HMCES: variants seen among roughly 807,000 people sequenced by gnomAD.
HMCES encodes 5-hydroxymethylcytosine binding, ES cell specific.
HMCES carries 27 observed loss-of-function variants against 35.1 expected under a neutral mutation model. The ratio of observed to expected loss-of-function variants is 0.77; its 90% CI spans 0.57 to 1.06. The LOEUF (loss-of-function observed/expected upper bound fraction) is 1.06. Ranked by LOEUF, HMCES falls within the 50% of genes least tolerant of loss-of-function variation. HMCES has a pLI of 0.00. For missense variants in HMCES, 391 were observed against 430.4 expected, an observed-to-expected ratio of 0.91 and a Z score of 0.81; for synonymous variants, 130 against 154.7, an observed-to-expected ratio of 0.84 and a Z score of 1.18.
intron 4 of HMCES, among the ~76,000 whole-genome samples, chr3:129,293,860 C>T (rs2071056209): frequency 6.6e-6 from 1 of 152,052 alleles, no homozygotes; most frequent in Non-Finnish European, 1.5e-5. Flanking sequence ...TGAGCTACTG[C>T]GCCTGGACTT....
chr3:129,295,678 T>G (rs1277837422), intron 4 of HMCES, among the ~76,000 whole-genome samples: 1 of 152,142 alleles, frequency 6.6e-6, no homozygotes, highest in Non-Finnish European at 1.5e-5. Flanking sequence ...GCTCTCATAG[T>G]TTTTTTGAGA....
intron 4 of HMCES, 33 bp downstream of exon 4, chr3:129,290,837 GA>G: frequency 6.3e-7 from 1 of 1,591,578 alleles, no homozygotes; most frequent in Non-Finnish European, 8.6e-7. Flanking sequence ...TATATATTTG[GA>G]AAGGCACAGG....
Position 129,279,420 on chromosome 3 carries a change from C to T in HMCES, c.-23-290C>T, listed in dbSNP as rs1206042254. Reference sequence around the variant, plus strand: ...CCAGCTAGCTGCGCTTGCCCTGCTTCGCTGGACTGTGAAGCCCCCTCCGCT... The same window carrying T: ...CCAGCTAGCTGCGCTTGCCCTGCTTTGCTGGACTGTGAAGCCCCCTCCGCT... On this transcript the variant is annotated intron_variant, in intron 1 of 6. Transcript: ENST00000383463. The surrounding 1 kb of genome is among the most constrained non-coding windows in gnomAD (Gnocchi z 4.2). Among the ~76,000 whole-genome samples the T allele has an allele frequency of 2.0e-5, 3 of 152,214 alleles. No individual in the cohort carries two copies. Among genetic ancestry groups the T allele is most frequent in the African/African-American group, 7.2e-5 (3 of 41,466 alleles).
chr3:129,298,270 C>T (rs2071116918), intron 4 of HMCES, 84 bp from the exon 5 acceptor site: 1 of 1,198,624 alleles, frequency 8.3e-7, no homozygotes, highest in African/African-American at 1.5e-5. Flanking sequence ...GATTTCCGTG[C>T]TCTCGAGTCT....
At chr3:129,282,268 C>T (rs549042665) in intron 2 of HMCES, among the ~76,000 whole-genome samples, 22 of 143,950 alleles carry the variant, frequency 1.5e-4, no homozygotes, top group Middle Eastern at 7.1e-3. Flanking sequence ...AGGACACCAG[C>T]CTGAGCAAAT....
rs553393144 is a variant in HMCES, at chr3:129,305,796, C to T, written c.*971C>T. Reference sequence around the variant, plus strand: ...CCCAGTCTCTATGCAAATCAGGGATCAGAAGATCGGAATTTCCACCAATCA... The same window carrying T: ...CCCAGTCTCTATGCAAATCAGGGATTAGAAGATCGGAATTTCCACCAATCA... On this transcript the variant is annotated 3_prime_UTR_variant, in exon 7 of 7. Transcript: ENST00000383463. The T allele has an allele frequency of 1.3e-5, 2 of 152,376 alleles. No homozygotes were observed. Among genetic ancestry groups the T allele is most frequent in the Admixed American group, 1.3e-4 (2 of 15,304 alleles). The allele number at this position is 152,376 out of a possible 1,614,324, so 9.4% of individuals were successfully genotyped here. A position where few individuals can be genotyped will look rare whatever the true frequency, so the allele number is the denominator to read the frequency against.
intron 2 of HMCES, among the ~76,000 whole-genome samples, chr3:129,281,025 C>T (rs533451199): frequency 3.3e-5 from 5 of 151,816 alleles, no homozygotes; most frequent in Admixed American, 6.6e-5. Context: ...AGATCGAGAC[C>T]ATCCTGGCCA....
Position 129,285,459 on chromosome 3 carries a change from T to TC in HMCES, c.184-3395_184-3394insC, listed in dbSNP as rs200657835. ...CTCATAAGTAGCAGAGAAAGGATTT[T>TC]TTTTTTTTTTGAGATGGAGTCTTGC... On this transcript the variant is annotated intron_variant, in intron 2 of 6. Transcript: ENST00000383463. 9.0e-3 allele frequency among the ~76,000 whole-genome samples: 1,363 copies of TC among 152,072 alleles called. 13 individuals carry two copies. The highest frequency in any genetic ancestry group is 0.031 in the African/African-American group (1,293 of 41,514).
Position 129,289,122 on chromosome 3 carries a change from T to C in HMCES, c.327+125T>C, listed in dbSNP as rs964139543. 48 of 779,114 alleles carry C rather than the reference T, an allele frequency of 6.2e-5. 5 individuals are homozygous for C. Among genetic ancestry groups the C allele is most frequent in the Admixed American group, 4.2e-4 (14 of 33,044 alleles). 48.3% of individuals were successfully genotyped at this position (779,114 alleles called of 1,614,324 possible). ...ATAACACAAAAAAGAATGTTCCCAG[T>C]TGTTAATGTGGAATGCTATTTTGTT... On this transcript the variant is annotated intron_variant, in intron 3 of 6. Transcript: ENST00000383463.
At chr3:129,297,533 G>T (rs1015789446) in intron 4 of HMCES, among the ~76,000 whole-genome samples, 1 of 152,110 alleles carries the variant, frequency 6.6e-6, no homozygotes, top group Non-Finnish European at 1.5e-5. Flanking sequence ...GCCCTGTGCC[G>T]TCTTTTTCGA....
rs1466310913 is a variant in HMCES at position 129,279,096 on chromosome 3, C to A, written c.-24+191C>A. On this transcript the variant is annotated intron_variant, in intron 1 of 6. Transcript: ENST00000383463. The surrounding 1 kb of genome is among the most constrained non-coding windows in gnomAD (Gnocchi z 4.2). ...GAGGGCCGGAGCGGAGCGGAGGCGA[C>A]GCGGGGAGGGGCGAGGGATCGCGGC... 6.6e-6 allele frequency: 1 copy of A among 152,104 alleles called. No homozygotes were observed. The highest frequency in any genetic ancestry group is 2.4e-5 in the African/African-American group (1 of 41,342). 9.4% of individuals were successfully genotyped at this position (152,104 alleles called of 1,614,324 possible). A position where few individuals can be genotyped will look rare whatever the true frequency, so the allele number is the denominator to read the frequency against.
In HMCES at chr3:129,282,295, C is replaced by CAAA. The variant is rs201242976; in HGVS notation, c.183+2395_183+2397dup. On this transcript the variant is annotated intron_variant, in intron 2 of 6. Coordinates refer to ENST00000383463, the MANE Select transcript of HMCES (RefSeq NM_020187.3). ...TGAGCAAATGAGACCCTGTTTTTAACAAAAAAAAAAAAAAAAAGCCTTAGT... is the reference window on the plus strand; with the variant it reads ...TGAGCAAATGAGACCCTGTTTTTAACAAAAAAAAAAAAAAAAAAAAGCCTTAGT... 7.7e-5 allele frequency among the ~76,000 whole-genome samples: 7 copies of CAAA among 91,058 alleles called. 1 individual carries two copies. The highest frequency in any genetic ancestry group is 1.4e-4 in the African/African-American group (4 of 28,750). The allele number at this position is 91,058 out of a possible 152,430, so 59.7% of individuals were successfully genotyped here.
At chr3:129,281,746 C>T (rs147087166) in intron 2 of HMCES, among the ~76,000 whole-genome samples, 1 of 151,424 alleles carries the variant, frequency 6.6e-6, no homozygotes, top group African/African-American at 2.4e-5. Flanking sequence ...CGCCTGTAAT[C>T]TCAGCACTTT....
intron 2 of HMCES, among the ~76,000 whole-genome samples, chr3:129,285,816 A>G (rs1361782247): frequency 7.0e-6 from 1 of 142,694 alleles, no homozygotes; most frequent in East Asian, 2.1e-4. Context: ...TGCAACCTGC[A>G]CCTCCCGAGC....
rs779087269 is a variant in HMCES, at chr3:129,301,964, T to C, written c.650T>C (p.Leu217Ser). ...SDIHHRMPAI[L>S]DGEEAVSKWL... Reference sequence around the variant, plus strand: ...TCCCTGGCCAGGATGCCTGCCATATTAGATGGAGAGGAGGCAGTTTCTAAA... The same window carrying C: ...TCCCTGGCCAGGATGCCTGCCATATCAGATGGAGAGGAGGCAGTTTCTAAA... The change falls in exon 6 of 7, where the codon TTA (leucine) becomes TCA (serine). Residue 217 changes from leucine to serine, a missense_variant. Physicochemically the swap from Leu to Ser is moderately radical, Grantham distance 145 (BLOSUM62 -2). Coordinates refer to ENST00000383463, the MANE Select transcript of HMCES (RefSeq NM_020187.3). 1.2e-6 allele frequency: 2 copies of C among 1,613,442 alleles called. No individual in the cohort carries two copies. The highest frequency in any genetic ancestry group is 1.7e-6 in the Non-Finnish European group (2 of 1,179,612).
At chr3:129,281,300 T>C (rs1204859423) in intron 2 of HMCES, among the ~76,000 whole-genome samples, 1 of 152,220 alleles carries the variant, frequency 6.6e-6, no homozygotes, top group Non-Finnish European at 1.5e-5. Flanking sequence ...TTTATAAAGT[T>C]GATTATACCT....
intron 2 of HMCES, among the ~76,000 whole-genome samples, chr3:129,288,464 G>A (rs1038018799): frequency 7.9e-5 from 12 of 151,990 alleles, no homozygotes; most frequent in African/African-American, 2.9e-4. Context: ...GGAGGCTAAG[G>A]TGGGCAAATC....
chr3:129,304,359 G>A (rs1364955244), intron 6 of HMCES, among the ~76,000 whole-genome samples: 1 of 152,090 alleles, frequency 6.6e-6, no homozygotes, highest in African/African-American at 2.4e-5. Flanking sequence ...TCTCTTCTCT[G>A]GCTGGTCCCA....
chr3:129,302,256 G>A, intron 6 of HMCES, 114 bp downstream of exon 6: 1 of 877,270 alleles, frequency 1.1e-6, no homozygotes, highest in South Asian at 1.7e-5. Context: ...ACCATCAAAA[G>A]CTCTCATACT....
Sources: allele counts gnomAD v4.1 joint callset (sites outside exome capture counted in the v4.1 genomes callset), GRCh38; gene constraint gnomAD v4.1.1; non-coding constraint Gnocchi (gnomAD v3.1); transcripts MANE v1.5; gene names NCBI Gene and HGNC (gene_info 2026-07-23, HGNC 2026-07-21).